The following LRFN5 variants were observed in gnomAD, a reference collection of about 807,000 sequenced individuals.
LRFN5 encodes the protein leucine-rich repeat and fibronectin type-III domain-containing protein 5.
In LRFN5, 24 loss-of-function variants were observed where a neutral mutation model predicts 45.6. The observed-to-expected ratio is 0.53, with a 90% confidence interval of 0.38 to 0.74. LRFN5 has a LOEUF of 0.74. Among genes scored for constraint, LRFN5 ranks in the 30% least tolerant of loss-of-function variants. LRFN5 has a pLI of 0.00. For missense variants in LRFN5, 776 were observed against 861.5 expected, an observed-to-expected ratio of 0.90 and a Z score of 1.24; for synonymous variants, 340 against 313.8, an observed-to-expected ratio of 1.08 and a Z score of -0.88.
chr14:41,785,811 C>T lies in LRFN5; in HGVS notation c.-21+18782C>T, dbSNP rs535834025. ...TAGATTTGTATAAAAGGCATGCAGC[C>T]TACATCCCTCATATACACAGTTCAC... On this transcript the variant is annotated intron_variant, in intron 2 of 5. Transcript: ENST00000298119. Among the ~76,000 whole-genome samples, 258 of 152,242 alleles carry T rather than the reference C, an allele frequency of 1.7e-3. 1 individual carries two copies. Among genetic ancestry groups the T allele is most frequent in the African/African-American group, 6.0e-3 (249 of 41,548 alleles).
chr14:41,821,394 A>T (rs1888107793), intron 2 of LRFN5, among the ~76,000 whole-genome samples: 1 of 152,032 alleles, frequency 6.6e-6, no homozygotes. Context: ...TATTGAAATG[A>T]TTATATGATG....
intron 1 of LRFN5, among the ~76,000 whole-genome samples, chr14:41,627,015 T>A (rs1204479738): frequency 6.6e-6 from 1 of 152,132 alleles, no homozygotes; most frequent in Admixed American, 6.6e-5. Context: ...AATACTTAAA[T>A]CATATCTTTG....
intron 1 of LRFN5, among the ~76,000 whole-genome samples, chr14:41,688,890 T>C (rs1197577771): frequency 7.1e-6 from 1 of 139,974 alleles, no homozygotes; most frequent in African/African-American, 2.7e-5. Context: ...TTGGGCAGCA[T>C]GGTGAGACCC....
intron 1 of LRFN5, among the ~76,000 whole-genome samples, chr14:41,670,109 A>G (rs1270890113): frequency 2.0e-5 from 3 of 146,916 alleles, no homozygotes; most frequent in African/African-American, 7.4e-5. Flanking sequence ...ACATATCTAT[A>G]CATTCATATA....
chr14:41,836,424 T>C (rs1038509399), intron 2 of LRFN5, among the ~76,000 whole-genome samples: 6 of 152,198 alleles, frequency 3.9e-5, no homozygotes, highest in African/African-American at 1.4e-4. Flanking sequence ...TAGACATGTG[T>C]ATGTTTGGGC....
At chr14:41,797,717 A>G (rs1229235180) in intron 2 of LRFN5, among the ~76,000 whole-genome samples, 2 of 151,686 alleles carry the variant, frequency 1.3e-5, no homozygotes, top group African/African-American at 4.8e-5. Flanking sequence ...TTATCTACCC[A>G]TCTGTCCATC....
rs550988561 is a variant in LRFN5 at position 41,755,391 on chromosome 14, TGGGAGTCTA to T, written c.-196-11462_-196-11454del. On this transcript the variant is annotated intron_variant, in intron 1 of 5. Transcript: ENST00000298119. ...GTTAAAGTCTCCCATTATTATTGTG[TGGGAGTCTA>T]AGTCTCTTTGTAGGTCTCTAAGGAC... Among the ~76,000 whole-genome samples the T allele has an allele frequency of 2.0e-5, 3 of 152,344 alleles. No individual in the cohort carries two copies. In the East Asian group the frequency reaches 5.8e-4, roughly 29 times the overall value.
chr14:41,679,323 C>G (rs1268604252), intron 1 of LRFN5, among the ~76,000 whole-genome samples: 1 of 152,052 alleles, frequency 6.6e-6, no homozygotes, highest in Non-Finnish European at 1.5e-5. Context: ...CCAGGCAGCA[C>G]AGCTAGCAGC....
At chr14:41,701,049 G>T (rs1443067731) in intron 1 of LRFN5, 1 of 152,112 alleles carries the variant, frequency 6.6e-6, no homozygotes, top group South Asian at 2.1e-4. Context: ...AAGGACAGGG[G>T]TTTTTCATCT....
chr14:41,793,172 A>G (rs145926580), intron 2 of LRFN5, among the ~76,000 whole-genome samples: 266 of 152,046 alleles, frequency 1.7e-3, no homozygotes, highest in African/African-American at 6.1e-3. Context: ...AAAAAAAAGT[A>G]TTACTTGAGA....
chr14:41,773,069 G>T lies in LRFN5; in HGVS notation c.-21+6040G>T, dbSNP rs145152125. On this transcript the variant is annotated intron_variant, in intron 2 of 5. Transcript: ENST00000298119. ...ATTGAGATGTCGTGACCTCAGTAAAGACCATTATTCTTAGACTGAAGACAA... is the reference window on the plus strand; with the variant it reads ...ATTGAGATGTCGTGACCTCAGTAAATACCATTATTCTTAGACTGAAGACAA... 6.5e-3 allele frequency among the ~76,000 whole-genome samples: 993 copies of T among 152,258 alleles called. 6 individuals are homozygous for T. Among genetic ancestry groups the T allele is most frequent in the African/African-American group, 0.023 (936 of 41,532 alleles).
intron 1 of LRFN5, among the ~76,000 whole-genome samples, chr14:41,648,046 A>G (rs1029610896): frequency 6.6e-6 from 1 of 152,186 alleles, no homozygotes; most frequent in African/African-American, 2.4e-5. Context: ...ATATCTTTTT[A>G]TATAGCTGCA....
intron 1 of LRFN5, among the ~76,000 whole-genome samples, chr14:41,728,734 ACAT>A (rs1884042714): frequency 1.3e-5 from 2 of 152,158 alleles, no homozygotes; most frequent in Non-Finnish European, 2.9e-5. Context: ...TGAAGCCAAA[ACAT>A]TTTATGAGTC....
At chr14:41,785,128 C>G (rs1886673031) in intron 2 of LRFN5, among the ~76,000 whole-genome samples, 2 of 152,082 alleles carry the variant, frequency 1.3e-5, no homozygotes, top group South Asian at 4.2e-4. Flanking sequence ...CATTCTTTTA[C>G]TATTTTATAT....
At chr14:41,633,501 G>C (rs2138583001) in intron 1 of LRFN5, among the ~76,000 whole-genome samples, 1 of 152,156 alleles carries the variant, frequency 6.6e-6, no homozygotes, top group Non-Finnish European at 1.5e-5. Flanking sequence ...ATTACTCTTA[G>C]ATACTGGTTT....
rs1051039315 is a variant in LRFN5 at position 41,886,921 on chromosome 14, G to A, written c.296G>A (p.Arg99Gln). The change falls in exon 3 of 6, where the codon CGA (arginine) becomes CAA (glutamine). Residue 99 changes from arginine to glutamine, a missense_variant. Physicochemically the swap from Arg to Gln is conservative, Grantham distance 43. Around this residue, in one of 2 missense-constraint regions of LRFN5, gnomAD observed 311 missense variants for 405.1 expected, o/e 0.77. Transcript: ENST00000298119. ...FITPHAFADL[R>Q]NLRALHLNSN... Reference sequence around the variant, plus strand: ...ACACCTCATGCTTTCGCTGACCTACGAAATTTGAGGGCTTTGCATTTGAAT... The same window carrying A: ...ACACCTCATGCTTTCGCTGACCTACAAAATTTGAGGGCTTTGCATTTGAAT... 3.1e-6 allele frequency: 5 copies of A among 1,614,164 alleles called. No individual in the cohort carries two copies. The highest frequency in any genetic ancestry group is 1.3e-5 in the African/African-American group (1 of 75,032).
At chr14:41,903,948 A>G (rs929989715) in intron 5 of LRFN5, among the ~76,000 whole-genome samples, 7 of 152,082 alleles carry the variant, frequency 4.6e-5, no homozygotes, top group African/African-American at 9.7e-5. Context: ...ATATTCACCA[A>G]TTGAAGTTAC....
At chr14:41,637,453 G>A (rs891288542) in intron 1 of LRFN5, among the ~76,000 whole-genome samples, 5 of 152,002 alleles carry the variant, frequency 3.3e-5, no homozygotes, top group South Asian at 2.1e-4. Flanking sequence ...AAATTAAGGG[G>A]TCTTTATTAA....
rs139930954 is a variant in LRFN5 at position 41,742,800 on chromosome 14, C to G, written c.-196-24054C>G. On this transcript the variant is annotated intron_variant, in intron 1 of 5. Coordinates refer to ENST00000298119, the MANE Select transcript of LRFN5 (RefSeq NM_152447.5). ...ACCTTTCAAGTTCAAAACTGGTGAA[C>G]AGGAAGTCATCAGTGGTTTTGAAGA... is the stretch of plus-strand genomic sequence containing the variant. The G allele has an allele frequency of 5.4e-3, 888 of 164,588 alleles. 30 individuals are homozygous for G. Among genetic ancestry groups the G allele is most frequent in the Admixed American group, 0.051 (811 of 15,960 alleles). The allele number at this position is 164,588 out of a possible 1,614,324, so 10.2% of individuals were successfully genotyped here.
Sources: allele counts gnomAD v4.1 joint callset (sites outside exome capture counted in the v4.1 genomes callset), GRCh38; gene constraint gnomAD v4.1.1; regional missense constraint gnomAD v4.1.1; transcripts MANE v1.5; gene names NCBI Gene and HGNC (gene_info 2026-07-23, HGNC 2026-07-21).